C12orf50: variants seen among roughly 807,000 people sequenced by gnomAD.
C12orf50 encodes the protein zinc finger CCCH-type containing 11D, also known as uncharacterized protein C12orf50.
In C12orf50, 35 loss-of-function variants were observed where a neutral mutation model predicts 61.6. That is an observed-to-expected ratio of 0.57 (90% CI 0.43 to 0.75). The LOEUF (loss-of-function observed/expected upper bound fraction) is 0.75. C12orf50 is among the 30% of genes least tolerant of loss of function. The probability of loss-of-function intolerance (pLI) is 0.00; values close to 1 mark genes in which losing one functional copy is unlikely to be tolerated. For missense variants in C12orf50, 475 were observed against 488.5 expected (o/e 0.97, Z 0.26); for synonymous variants, 178 against 161.5 (o/e 1.10, Z -0.77).
At chr12:87,993,997 T>C (rs986221883) in intron 7 of C12orf50, among the ~76,000 whole-genome samples, 6 of 151,984 alleles carry the variant, frequency 3.9e-5, no homozygotes, top group Non-Finnish European at 8.8e-5. Context: ...GTAAGGAGTT[T>C]GAGGCCAGCC....
intron 3 of C12orf50, among the ~76,000 whole-genome samples, chr12:87,999,058 A>G (rs1168161840): frequency 6.6e-6 from 1 of 152,158 alleles, no homozygotes; most frequent in Non-Finnish European, 1.5e-5. Flanking sequence ...ACACCAAAAG[A>G]AAAAGCAGTC....
chr12:87,993,680 T>C (rs1279207255), intron 7 of C12orf50, among the ~76,000 whole-genome samples: 1 of 152,140 alleles, frequency 6.6e-6, no homozygotes, highest in African/African-American at 2.4e-5. Context: ...ATACCTGCTC[T>C]CAACCTCCTT....
rs1040007619 is a variant in C12orf50, at chr12:88,009,308, G to A, written c.134-11118C>T. ...TCCTAATGTTCTTTGTCTTCACCAA[G>A]AATTGATAGAATTTTTGATATTTGC... On this transcript the variant is annotated intron_variant, in intron 3 of 12. Transcript: ENST00000298699. Among the ~76,000 whole-genome samples, 4 of 151,940 alleles carry A rather than the reference G, an allele frequency of 2.6e-5. No homozygotes were observed. The East Asian group carries it at 7.7e-4, about 29-fold the overall frequency.
intron 3 of C12orf50, among the ~76,000 whole-genome samples, chr12:88,021,677 A>T (rs1488407795): frequency 6.6e-6 from 1 of 152,098 alleles, no homozygotes; most frequent in Admixed American, 6.5e-5. Context: ...CTGACCCCAC[A>T]GAAATACAAA....
At chr12:88,010,884 C>A (rs970621729) in intron 3 of C12orf50, among the ~76,000 whole-genome samples, 1 of 151,996 alleles carries the variant, frequency 6.6e-6, no homozygotes, top group African/African-American at 2.4e-5. Context: ...ATGGTTGAAA[C>A]AAAAGGGTGC....
At position 88,018,716 on chromosome 12, in the gene C12orf50, C is replaced by T. The variant is rs78988105; in HGVS notation, c.133+7772G>A. ...AGCAACCCAAGACCATGGGACCCCA[C>T]CTTTTGCCTCAGTGGGACCTGGATG... On this transcript the variant is annotated intron_variant, in intron 3 of 12. Coordinates refer to ENST00000298699, the MANE Select transcript of C12orf50 (RefSeq NM_152589.3). Among the ~76,000 whole-genome samples the T allele has an allele frequency of 8.3e-3, 1,267 of 152,312 alleles. 5 individuals are homozygous for T. The highest frequency in any genetic ancestry group is 0.048 in the Middle Eastern group (14 of 294).
At chr12:87,993,935 C>A (rs145036972) in intron 7 of C12orf50, among the ~76,000 whole-genome samples, 1 of 151,928 alleles carries the variant, frequency 6.6e-6, no homozygotes, top group Non-Finnish European at 1.5e-5. Context: ...CTCGGTGGCT[C>A]GTGCCTGTAA....
At chr12:88,016,712 A>T (rs2032323766) in intron 3 of C12orf50, among the ~76,000 whole-genome samples, 1 of 152,202 alleles carries the variant, frequency 6.6e-6, no homozygotes, top group Non-Finnish European at 1.5e-5. Context: ...CTATGTGGCT[A>T]TGTTAGGTGC....
rs2031304910 is a variant in C12orf50, at chr12:87,994,740, T to G, written c.485A>C (p.Asp162Ala). ...LENGSELQEG[D>A]SLTVPTKLSQ... ...AAGTTTTGTCGGAACTGTAAGACTATCTCCTAGAAATAAGAAGAAAAAAAA... is the reference window on the plus strand; with the variant it reads ...AAGTTTTGTCGGAACTGTAAGACTAGCTCCTAGAAATAAGAAGAAAAAAAA... The change falls in exon 7 of 13, where the codon GAT becomes GCT. Residue 162 changes from aspartate to alanine, a missense_variant. Physicochemically the swap from Asp to Ala is moderately radical, Grantham distance 126 (BLOSUM62 -2). Transcript: ENST00000298699. 1 of 1,600,090 alleles carries G rather than the reference T, an allele frequency of 6.2e-7. No homozygotes were observed. The highest frequency in any genetic ancestry group is 8.5e-7 in the Non-Finnish European group (1 of 1,169,800).
At chr12:87,999,796 A>C (rs2031574696) in intron 3 of C12orf50, among the ~76,000 whole-genome samples, 1 of 152,142 alleles carries the variant, frequency 6.6e-6, no homozygotes, top group Non-Finnish European at 1.5e-5. Context: ...TTGTCTGATA[A>C]ATGGATAAAT....
At chr12:88,025,204 T>C (rs1164749747) in intron 3 of C12orf50, among the ~76,000 whole-genome samples, 1 of 152,066 alleles carries the variant, frequency 6.6e-6, no homozygotes. Flanking sequence ...CTCAATGTCT[T>C]AGAGTAGACA....
intron 4 of C12orf50, 133 bp downstream of exon 4, chr12:87,997,902 A>G: frequency 1.5e-6 from 1 of 670,202 alleles, no homozygotes; most frequent in Non-Finnish European, 2.4e-6. Context: ...AAATTAGTTT[A>G]ATACAATTAT....
At chr12:87,982,296 A>G (rs902276203) in intron 12 of C12orf50, among the ~76,000 whole-genome samples, 6 of 152,176 alleles carry the variant, frequency 3.9e-5, no homozygotes, top group East Asian at 3.9e-4. Context: ...GCACTGCAGC[A>G]GGGTTCTCTT....
chr12:88,005,976 G>A (rs1486679273), intron 3 of C12orf50, among the ~76,000 whole-genome samples: 1 of 148,226 alleles, frequency 6.7e-6, no homozygotes, highest in Non-Finnish European at 1.5e-5. Flanking sequence ...GAGTGCAGTG[G>A]CGCAATCTCG....
intron 12 of C12orf50, among the ~76,000 whole-genome samples, chr12:87,982,854 A>G (rs1022274263): frequency 6.6e-6 from 1 of 152,068 alleles, no homozygotes; most frequent in African/African-American, 2.4e-5. Context: ...ATTACTGTTT[A>G]TTGTCCAGGA....
intron 12 of C12orf50, among the ~76,000 whole-genome samples, chr12:87,981,671 C>T (rs2030480447): frequency 6.6e-6 from 1 of 152,020 alleles, no homozygotes; most frequent in Non-Finnish European, 1.5e-5. Context: ...TGGTGCTTAT[C>T]CTTTTAATCC....
chr12:88,002,167 T>A (rs1665517179), intron 3 of C12orf50, among the ~76,000 whole-genome samples: 1 of 151,832 alleles, frequency 6.6e-6, no homozygotes, highest in African/African-American at 2.4e-5. Context: ...TTACTTCATG[T>A]CATGAGTTTT....
Position 87,996,490 on chromosome 12 carries a change from A to G in C12orf50, c.368-3T>C, listed in dbSNP as rs1166740208. 1.2e-6 allele frequency: 2 copies of G among 1,604,244 alleles called. No individual in the cohort carries two copies. Among genetic ancestry groups the G allele is most frequent in the Non-Finnish European group, 1.7e-6 (2 of 1,171,458 alleles). ...AGTATGAAATCTGTAGTATTCCCCT[A>G]ATCAACCATAAGAAAAGTAATGGTT... On this transcript the variant is annotated splice_region_variant and splice_polypyrimidine_tract_variant and intron_variant, in intron 5 of 12. Coordinates refer to ENST00000298699, the MANE Select transcript of C12orf50 (RefSeq NM_152589.3).
intron 7 of C12orf50, among the ~76,000 whole-genome samples, chr12:87,992,408 A>G (rs1005110259): frequency 2.6e-5 from 4 of 152,052 alleles, no homozygotes; most frequent in African/African-American, 9.7e-5. Context: ...CTGTGTGTAT[A>G]TATATACTAT....
Sources: allele counts gnomAD v4.1 joint callset (sites outside exome capture counted in the v4.1 genomes callset), GRCh38; gene constraint gnomAD v4.1.1; transcripts MANE v1.5; gene names NCBI Gene and HGNC (gene_info 2026-07-23, HGNC 2026-07-21).